The following POLR3B variants were observed in gnomAD, a reference collection of about 807,000 sequenced individuals.
POLR3B encodes the protein DNA-directed RNA polymerase III subunit RPC2.
In POLR3B, 96 loss-of-function variants were observed where a neutral mutation model predicts 147.4. The ratio of observed to expected loss-of-function variants is 0.65; its 90% CI spans 0.55 to 0.77. The LOEUF (loss-of-function observed/expected upper bound fraction) is 0.77, where lower values mean the gene tolerates loss of function less well. Ranked by LOEUF, POLR3B falls within the 30% of genes least tolerant of loss-of-function variation. The pLI is 0.00. For missense variants in POLR3B, 1,036 were observed against 1,413.5 expected (o/e 0.73, Z 4.28); for synonymous variants, 461 against 485.9 (o/e 0.95, Z 0.67).
chr12:106,372,383 G>A (rs1371881246), intron 6 of POLR3B, among the ~76,000 whole-genome samples: 7 of 147,620 alleles, frequency 4.7e-5, no homozygotes, highest in African/African-American at 1.7e-4. Flanking sequence ...TGTTGCCCAG[G>A]CTGGAGTACA....
At chr12:106,394,098 T>A (rs1220894706) in intron 10 of POLR3B, among the ~76,000 whole-genome samples, 2 of 152,160 alleles carry the variant, frequency 1.3e-5, no homozygotes, top group Non-Finnish European at 2.9e-5. Context: ...CCCACTTATA[T>A]CTGTTAGTGT....
intron 23 of POLR3B, among the ~76,000 whole-genome samples, chr12:106,464,110 C>A (rs1197937353): frequency 2.0e-5 from 3 of 152,124 alleles, no homozygotes; most frequent in Admixed American, 2.0e-4. Flanking sequence ...TACTTGGTTG[C>A]TGAGCTGGTG....
intron 9 of POLR3B, among the ~76,000 whole-genome samples, chr12:106,389,555 A>C (rs1366905242): frequency 6.6e-6 from 1 of 152,054 alleles, no homozygotes; most frequent in East Asian, 1.9e-4. Flanking sequence ...CAGGTTGAGC[A>C]TCCCTTATCT....
chr12:106,484,892 C>T (rs994989753), intron 23 of POLR3B, among the ~76,000 whole-genome samples: 1 of 151,924 alleles, frequency 6.6e-6, no homozygotes, highest in African/African-American at 2.4e-5. Context: ...CCAGTCTGGC[C>T]AGGCATATGC....
rs1367376334 is a variant in POLR3B at position 106,405,915 on chromosome 12, A to G, written c.905A>G (p.Lys302Arg). The G allele has an allele frequency of 1.3e-5, 21 of 1,613,768 alleles. No individual in the cohort carries two copies. Among genetic ancestry groups the G allele is most frequent in the Non-Finnish European group, 1.7e-5 (20 of 1,179,796 alleles). Residue 302 changes from lysine (K) to arginine (R), a missense_variant, in exon 11 of 28, where the codon AAG (lysine) becomes AGG (arginine). Lys to Arg is a conservative substitution (Grantham distance 26). Coordinates refer to ENST00000228347, the MANE Select transcript of POLR3B (RefSeq NM_018082.6). ...RRQRMWGGGP[K>R]KTKIEEAREL... ...CAAAGGATGTGGGGAGGTGGACCAA[A>G]GAAAACCAAAATAGAAGAAGCAAGA...
At chr12:106,373,427 T>C (rs2036636163) in intron 6 of POLR3B, among the ~76,000 whole-genome samples, 1 of 152,210 alleles carries the variant, frequency 6.6e-6, no homozygotes. Context: ...GTTATATTTC[T>C]GGCATATCAT....
At chr12:106,477,891 C>CTTTTTTTTTTTTTTTTTTTTTTTT (rs34915594) in intron 23 of POLR3B, among the ~76,000 whole-genome samples, 1 of 70,548 alleles carries the variant, frequency 1.4e-5, no homozygotes, top group Non-Finnish European at 2.5e-5. Context: ...GGCTCCTCCC[C>CTTTTTTTTTTTTTTTTTTTTTTTT]TTTTTTTTTT....
At chr12:106,408,350 T>C (rs568165691) in intron 11 of POLR3B, among the ~76,000 whole-genome samples, 4 of 152,344 alleles carry the variant, frequency 2.6e-5, no homozygotes, top group African/African-American at 9.6e-5. Context: ...TGTCTTGGTA[T>C]ACTGGCCTTT....
intron 20 of POLR3B, among the ~76,000 whole-genome samples, chr12:106,455,963 T>A (rs2037858995): frequency 6.6e-6 from 1 of 152,342 alleles, no homozygotes; most frequent in Admixed American, 6.5e-5. Context: ...ATTTCTAAAG[T>A]CACATTCTTA....
intron 6 of POLR3B, among the ~76,000 whole-genome samples, chr12:106,371,972 G>A (rs577151244): frequency 2.0e-5 from 3 of 151,896 alleles, no homozygotes; most frequent in South Asian, 4.2e-4. Context: ...AAAAGAGGGG[G>A]CATGTAACTA....
chr12:106,439,822 T>C (rs1325792004), intron 18 of POLR3B, among the ~76,000 whole-genome samples: 1 of 152,096 alleles, frequency 6.6e-6, no homozygotes, highest in Non-Finnish European at 1.5e-5. Flanking sequence ...TTTGGGAGGC[T>C]AAGGCATGAG....
At chr12:106,416,368 G>A (rs2037302128) in intron 12 of POLR3B, among the ~76,000 whole-genome samples, 1 of 152,144 alleles carries the variant, frequency 6.6e-6, no homozygotes, top group Non-Finnish European at 1.5e-5. Context: ...TTCCCATTCA[G>A]TTTAAGAATG....
intron 18 of POLR3B, among the ~76,000 whole-genome samples, chr12:106,438,477 A>G (rs933425346): frequency 1.3e-5 from 2 of 151,662 alleles, no homozygotes; most frequent in African/African-American, 4.8e-5. Flanking sequence ...CCATATATAT[A>G]TATGTATATA....
intron 25 of POLR3B, among the ~76,000 whole-genome samples, chr12:106,500,362 G>C (rs1207057050): frequency 6.6e-6 from 1 of 152,208 alleles, no homozygotes; most frequent in Non-Finnish European, 1.5e-5. Flanking sequence ...TTATGTAATA[G>C]ACATTTATTG....
intron 12 of POLR3B, among the ~76,000 whole-genome samples, chr12:106,420,384 C>T (rs1471858506): frequency 6.6e-6 from 1 of 152,098 alleles, no homozygotes; most frequent in Non-Finnish European, 1.5e-5. Flanking sequence ...AGATCTTTTT[C>T]TTCTGTTTCT....
intron 27 of POLR3B, chr12:106,507,546 C>A: frequency 7.6e-6 from 2 of 261,670 alleles, no homozygotes; most frequent in South Asian, 3.9e-5. Context: ...TTACATCAAC[C>A]CAAGCACATT....
chr12:106,400,315 A>G (rs1460540453), intron 10 of POLR3B, among the ~76,000 whole-genome samples: 1 of 152,238 alleles, frequency 6.6e-6, no homozygotes, highest in Non-Finnish European at 1.5e-5. Context: ...CCAATATAGG[A>G]GCACCCAGAT....
chr12:106,445,772 G>T (rs2037714286), intron 19 of POLR3B, among the ~76,000 whole-genome samples: 1 of 152,078 alleles, frequency 6.6e-6, no homozygotes. Flanking sequence ...ATACAGAGAG[G>T]GAGGCATTGC....
At chr12:106,494,213 G>A (rs2038444123) in intron 23 of POLR3B, among the ~76,000 whole-genome samples, 1 of 152,134 alleles carries the variant, frequency 6.6e-6, no homozygotes, top group Admixed American at 6.5e-5. Context: ...GATTAAAACT[G>A]AAAACACAAA....
Sources: gnomAD v4.1 joint callset for allele counts (sites outside exome capture counted in the v4.1 genomes callset) on GRCh38, gnomAD v4.1.1 for gene constraint, MANE v1.5 for transcripts, NCBI Gene and HGNC (gene_info 2026-07-23, HGNC 2026-07-21) for gene names.